Variants in HS3ST5 observed in about 807,000 individuals in gnomAD.
HS3ST5 encodes heparan sulfate glucosamine 3-O-sulfotransferase 5.
A neutral mutation model predicts 25.4 loss-of-function variants in HS3ST5; 10 were observed. The ratio of observed to expected loss-of-function variants is 0.39; its 90% CI spans 0.24 to 0.67. HS3ST5 has a LOEUF of 0.67. HS3ST5 is among the 30% of genes least tolerant of loss of function. The pLI is 0.44. For synonymous variants in HS3ST5, 170 were observed against 162.4 expected (o/e 1.05, Z -0.36); for missense variants, 324 against 420.7 (o/e 0.77, Z 2.01).
At chr6:114,215,458 G>A (rs1781710617) in intron 2 of HS3ST5, among the ~76,000 whole-genome samples, 1 of 152,024 alleles carries the variant, frequency 6.6e-6, no homozygotes, top group Non-Finnish European at 1.5e-5. Flanking sequence ...TTAAACCAGG[G>A]TGTCAACACT....
At chr6:114,234,735 A>G (rs1771774055) in intron 1 of HS3ST5, among the ~76,000 whole-genome samples, 1 of 152,158 alleles carries the variant, frequency 6.6e-6, no homozygotes, top group South Asian at 2.1e-4. Context: ...TTATTTGCTA[A>G]ACTTTTTTTG....
Position 114,057,297 on chromosome 6 carries a change from T to C in HS3ST5, c.1001A>G (p.Lys334Arg). 1.2e-6 allele frequency: 2 copies of C among 1,613,810 alleles called. No individual in the cohort carries two copies. The highest frequency in any genetic ancestry group is 1.7e-6 in the Non-Finnish European group (2 of 1,179,870). ...TGTCCTCCCAGTGATCTGGTAAAAT[T>C]TTTGATTAAAAGGATGAAAGAATTT... is the stretch of plus-strand genomic sequence containing the variant. Reference protein sequence around the residue: ...LRKFFHPFNQKFYQITGRTLN... With the variant: ...LRKFFHPFNQRFYQITGRTLN... Residue 334 changes from lysine (K) to arginine (R), a missense_variant, in exon 5 of 5, where the codon AAA (lysine) becomes AGA (arginine). Lys to Arg is a conservative substitution (Grantham distance 26). Around this residue, in one of 2 missense-constraint regions of HS3ST5, gnomAD observed 203 missense variants for 303.4 expected, o/e 0.67. Coordinates refer to ENST00000312719, the MANE Select transcript of HS3ST5 (RefSeq NM_153612.4).
At chr6:114,059,629 A>C (rs1375166478) in intron 4 of HS3ST5, 1 of 152,040 alleles carries the variant, frequency 6.6e-6, no homozygotes, top group Non-Finnish European at 1.5e-5. Context: ...GATGGTTTAA[A>C]ACTGTGTGGC....
intron 1 of HS3ST5, among the ~76,000 whole-genome samples, chr6:114,339,120 T>C (rs1321062402): frequency 1.3e-5 from 2 of 152,076 alleles, no homozygotes; most frequent in South Asian, 2.1e-4. Context: ...TGGGATAAAG[T>C]ATTTAGAAAT....
At chr6:114,239,938 G>T (rs977687429) in intron 1 of HS3ST5, among the ~76,000 whole-genome samples, 1 of 151,810 alleles carries the variant, frequency 6.6e-6, no homozygotes, top group Non-Finnish European at 1.5e-5. Flanking sequence ...TAGATACTTT[G>T]CCAGCACAAA....
intron 1 of HS3ST5, among the ~76,000 whole-genome samples, chr6:114,310,677 A>T (rs965290055): frequency 1.3e-5 from 2 of 152,194 alleles, no homozygotes; most frequent in African/African-American, 4.8e-5. Context: ...ACTCATGGGA[A>T]GTTAAAAATA....
At chr6:114,092,147 G>C (rs1236772274) in intron 3 of HS3ST5, among the ~76,000 whole-genome samples, 1 of 152,186 alleles carries the variant, frequency 6.6e-6, no homozygotes, top group Non-Finnish European at 1.5e-5. Context: ...TAAAAGTAAA[G>C]AGCTGGGCTA....
At chr6:114,141,050 T>G (rs1189910555) in intron 3 of HS3ST5, among the ~76,000 whole-genome samples, 1 of 152,220 alleles carries the variant, frequency 6.6e-6, no homozygotes, top group Non-Finnish European at 1.5e-5. Context: ...AATGGCATTT[T>G]CCAAATGAGT....
intron 2 of HS3ST5, among the ~76,000 whole-genome samples, chr6:114,184,940 C>G (rs1016104993): frequency 1.3e-5 from 2 of 152,094 alleles, no homozygotes; most frequent in Non-Finnish European, 2.9e-5. Flanking sequence ...TGTGCCTGTC[C>G]CATTATTGTA....
At chr6:114,157,629 C>G (rs1303145935) in intron 3 of HS3ST5, among the ~76,000 whole-genome samples, 1 of 152,122 alleles carries the variant, frequency 6.6e-6, no homozygotes, top group Non-Finnish European at 1.5e-5. Flanking sequence ...AGTTAATTAG[C>G]TTGATTTAAT....
chr6:114,223,609 A>AG (rs1782140947), intron 2 of HS3ST5, among the ~76,000 whole-genome samples: 1 of 151,718 alleles, frequency 6.6e-6, no homozygotes, highest in East Asian at 1.9e-4. Context: ...TGTTTAGGGT[A>AG]GGGGGAGTCC....
At chr6:114,062,959 T>G in intron 3 of HS3ST5, 82 bp from the exon 4 acceptor site, 1 of 725,992 alleles carries the variant, frequency 1.4e-6, no homozygotes. Flanking sequence ...GGAAGACAGG[T>G]GATAAGTGAC....
At chr6:114,164,180 A>T (rs1173853217) in intron 3 of HS3ST5, among the ~76,000 whole-genome samples, 1 of 152,154 alleles carries the variant, frequency 6.6e-6, no homozygotes, top group African/African-American at 2.4e-5. Context: ...ATAAAAACAT[A>T]ATTTGGTATT....
At chr6:114,281,063 T>A (rs1031195616) in intron 1 of HS3ST5, among the ~76,000 whole-genome samples, 6 of 152,020 alleles carry the variant, frequency 3.9e-5, no homozygotes, top group African/African-American at 1.2e-4. Flanking sequence ...AGTAAGAGTT[T>A]CGATACCATT....
At chr6:114,209,624 A>G (rs1221698839) in intron 2 of HS3ST5, among the ~76,000 whole-genome samples, 3 of 152,186 alleles carry the variant, frequency 2.0e-5, no homozygotes, top group Non-Finnish European at 4.4e-5. Context: ...TAACTGTTCC[A>G]ATTTTTATTT....
intron 1 of HS3ST5, among the ~76,000 whole-genome samples, chr6:114,333,324 C>A (rs1406172508): frequency 2.6e-5 from 4 of 152,004 alleles, no homozygotes; most frequent in Admixed American, 1.3e-4. Flanking sequence ...TGGATGTCTG[C>A]GCAGATGATA....
intron 1 of HS3ST5, among the ~76,000 whole-genome samples, chr6:114,293,365 TAA>T (rs1774668843): frequency 6.6e-6 from 1 of 152,158 alleles, no homozygotes; most frequent in African/African-American, 2.4e-5. Context: ...AAATAAGTCA[TAA>T]AAAGTCTATG....
chr6:114,306,238 C>CATAT (rs757321554), intron 1 of HS3ST5, among the ~76,000 whole-genome samples: 17,199 of 110,458 alleles, frequency 0.16, 1,284 homozygotes, highest in Admixed American at 0.22. Context: ...ATGAAATATA[C>CATAT]ATATATATAT....
At chr6:114,243,472 A>G (rs1194614000) in intron 1 of HS3ST5, among the ~76,000 whole-genome samples, 2 of 152,250 alleles carry the variant, frequency 1.3e-5, no homozygotes, top group African/African-American at 2.4e-5. Flanking sequence ...ACCTACAAGT[A>G]TAACTCATTG....
Sources: gnomAD v4.1 joint callset for allele counts (sites outside exome capture counted in the v4.1 genomes callset) on GRCh38, gnomAD v4.1.1 for gene constraint, gnomAD v4.1.1 regional missense constraint, MANE v1.5 for transcripts, NCBI Gene and HGNC (gene_info 2026-07-23, HGNC 2026-07-21) for gene names.